ST6GALNAC3: variants seen among roughly 807,000 people sequenced by gnomAD.
ST6GALNAC3 encodes ST6 N-acetylgalactosaminide alpha-2,6-sialyltransferase 3.
In ST6GALNAC3, 25 loss-of-function variants were observed where a neutral mutation model predicts 32.7. The observed-to-expected ratio is 0.76, with a 90% CI of 0.56 to 1.07. The LOEUF (loss-of-function observed/expected upper bound fraction) is 1.07, where lower values mean the gene tolerates loss of function less well. Among genes scored for constraint, ST6GALNAC3 ranks in the 50% least tolerant of loss-of-function variants. ST6GALNAC3 has a pLI of 0.00. For synonymous variants in ST6GALNAC3, 129 were observed against 133.1 expected, an observed-to-expected ratio of 0.97 and a Z score of 0.21; for missense variants, 355 against 382.4, an observed-to-expected ratio of 0.93 and a Z score of 0.60.
At chr1:76,226,372 C>T (rs531773) in intron 1 of ST6GALNAC3, among the ~76,000 whole-genome samples, 41,103 of 152,030 alleles carry the variant, frequency 0.27, 6,701 homozygotes, top group African/African-American at 0.45. Context: ...TGGCTTCCTT[C>T]GGTCTAGTTG....
intron 2 of ST6GALNAC3, among the ~76,000 whole-genome samples, chr1:76,321,180 C>G (rs569552123): frequency 1.3e-5 from 2 of 152,060 alleles, no homozygotes; most frequent in South Asian, 2.1e-4. Flanking sequence ...CATTCTGAAG[C>G]CTTCTCAAAT....
At chr1:76,314,115 C>G in intron 2 of ST6GALNAC3, 116 bp downstream of exon 2, 1 of 924,594 alleles carries the variant, frequency 1.1e-6, no homozygotes, top group Non-Finnish European at 1.6e-6. Flanking sequence ...GGAGAGCTTG[C>G]TTGGGTCCCT....
At chr1:76,471,425 A>G (rs546397059) in intron 3 of ST6GALNAC3, among the ~76,000 whole-genome samples, 33 of 152,210 alleles carry the variant, frequency 2.2e-4, no homozygotes, top group Admixed American at 1.8e-3. Context: ...ACTTTGTATC[A>G]GTGTTCTTGG....
chr1:76,282,673 A>G (rs772757878), intron 1 of ST6GALNAC3, among the ~76,000 whole-genome samples: 25 of 152,106 alleles, frequency 1.6e-4, no homozygotes, highest in Middle Eastern at 3.2e-3. Flanking sequence ...AATTTTTTAG[A>G]TTACTAGAAA....
chr1:76,159,651 T>C (rs1178667545), intron 1 of ST6GALNAC3, among the ~76,000 whole-genome samples: 1 of 152,240 alleles, frequency 6.6e-6, no homozygotes, highest in Non-Finnish European at 1.5e-5. Flanking sequence ...AAAGGATAGA[T>C]GAGACCCATT....
chr1:76,203,105 C>G (rs1447146032), intron 1 of ST6GALNAC3, among the ~76,000 whole-genome samples: 1 of 152,070 alleles, frequency 6.6e-6, no homozygotes, highest in African/African-American at 2.4e-5. Context: ...GGGCTAGGTC[C>G]TAGGGTACAT....
intron 3 of ST6GALNAC3, among the ~76,000 whole-genome samples, chr1:76,505,115 TG>T (rs1661395752): frequency 6.6e-6 from 1 of 150,680 alleles, no homozygotes; most frequent in African/African-American, 2.5e-5. Context: ...AAGCAGGAAA[TG>T]GGAAGCCAAA....
intron 3 of ST6GALNAC3, among the ~76,000 whole-genome samples, chr1:76,433,611 C>T (rs1324799779): frequency 6.6e-6 from 1 of 152,158 alleles, no homozygotes; most frequent in East Asian, 1.9e-4. Context: ...TCTTATCTGT[C>T]TTCACCACCA....
At chr1:76,331,752 T>C (rs915500538) in intron 2 of ST6GALNAC3, among the ~76,000 whole-genome samples, 1 of 152,228 alleles carries the variant, frequency 6.6e-6, no homozygotes, top group Non-Finnish European at 1.5e-5. Flanking sequence ...TGTGAAAAAC[T>C]GTCAAAACTC....
chr1:76,580,249 T>A (rs1328432093), intron 3 of ST6GALNAC3, among the ~76,000 whole-genome samples: 4 of 152,074 alleles, frequency 2.6e-5, no homozygotes, highest in Non-Finnish European at 4.4e-5. Context: ...CTTTGGCCTG[T>A]AAGAGGCTCT....
chr1:76,547,116 G>A (rs1046834918), intron 3 of ST6GALNAC3, among the ~76,000 whole-genome samples: 3 of 152,182 alleles, frequency 2.0e-5, no homozygotes, highest in Non-Finnish European at 4.4e-5. Flanking sequence ...ATTGAAAATG[G>A]ACATTTTCTT....
intron 2 of ST6GALNAC3, among the ~76,000 whole-genome samples, chr1:76,364,284 C>T (rs1205597168): frequency 1.3e-5 from 2 of 152,166 alleles, no homozygotes; most frequent in Non-Finnish European, 2.9e-5. Context: ...CGCGGTGGCT[C>T]ATGCCTATAA....
At chr1:76,278,669 T>G (rs1180366311) in intron 1 of ST6GALNAC3, among the ~76,000 whole-genome samples, 2 of 152,112 alleles carry the variant, frequency 1.3e-5, no homozygotes, top group Non-Finnish European at 2.9e-5. Flanking sequence ...ACAGAAAATG[T>G]TGCAATTTGA....
intron 1 of ST6GALNAC3, among the ~76,000 whole-genome samples, chr1:76,124,662 C>A (rs1366938775): frequency 3.3e-5 from 5 of 152,180 alleles, no homozygotes; most frequent in Admixed American, 3.3e-4. Flanking sequence ...TAAAAAGCTC[C>A]CTAACTGTCC....
At chr1:76,612,663 G>A (rs1477399854) in intron 3 of ST6GALNAC3, among the ~76,000 whole-genome samples, 7 of 152,200 alleles carry the variant, frequency 4.6e-5, no homozygotes, top group Middle Eastern at 3.4e-3. Context: ...TGTGCAAATC[G>A]GCAGTTGCAC....
intron 3 of ST6GALNAC3, among the ~76,000 whole-genome samples, chr1:76,596,168 G>A (rs1255326704): frequency 6.6e-6 from 1 of 152,166 alleles, no homozygotes; most frequent in Non-Finnish European, 1.5e-5. Flanking sequence ...AAGACTGCTA[G>A]AAAACTCTTC....
intron 3 of ST6GALNAC3, among the ~76,000 whole-genome samples, chr1:76,445,882 C>G (rs1656932866): frequency 6.6e-6 from 1 of 152,168 alleles, no homozygotes; most frequent in Admixed American, 6.5e-5. Context: ...TTAGCTGATA[C>G]TATTTATGCC....
At chr1:76,549,876 CT>C (rs1430476012) in intron 3 of ST6GALNAC3, among the ~76,000 whole-genome samples, 1 of 152,168 alleles carries the variant, frequency 6.6e-6, no homozygotes, top group African/African-American at 2.4e-5. Flanking sequence ...CTGTATCAAT[CT>C]TTTAGTGTGA....
At chr1:76,130,229 G>T (rs1236338203) in intron 1 of ST6GALNAC3, among the ~76,000 whole-genome samples, 1 of 152,234 alleles carries the variant, frequency 6.6e-6, no homozygotes, top group Non-Finnish European at 1.5e-5. Flanking sequence ...CAGTCATGTA[G>T]TTGCCAGTCT....
Sources: gnomAD v4.1 joint callset for allele counts (sites outside exome capture counted in the v4.1 genomes callset) on GRCh38, gnomAD v4.1.1 for gene constraint, MANE v1.5 for transcripts, NCBI Gene and HGNC (gene_info 2026-07-23, HGNC 2026-07-21) for gene names.